The following TSNARE1 variants were observed in gnomAD, a reference collection of about 807,000 sequenced individuals.
TSNARE1 encodes t-SNARE domain-containing protein 1.
A neutral mutation model predicts 62.0 loss-of-function variants in TSNARE1; 49 were observed. The observed-to-expected ratio is 0.79, with a 90% CI of 0.63 to 1.00. TSNARE1 has a LOEUF of 1.00. Among genes scored for constraint, TSNARE1 ranks in the 50% least tolerant of loss-of-function variants. The pLI is 0.00. For missense variants in TSNARE1, 755 were observed against 700.1 expected (o/e 1.08, Z -0.88); for synonymous variants, 328 against 294.4 (o/e 1.11, Z -1.17).
chr8:142,240,192 G>A (rs1817614937), intron 12 of TSNARE1, among the ~76,000 whole-genome samples: 1 of 152,012 alleles, frequency 6.6e-6, no homozygotes, highest in African/African-American at 2.4e-5. Context: ...AAGAAAGCTG[G>A]GATAGTCCTG....
At chr8:142,239,894 T>G (rs1206978499) in intron 12 of TSNARE1, among the ~76,000 whole-genome samples, 1 of 152,346 alleles carries the variant, frequency 6.6e-6, no homozygotes. Flanking sequence ...GCGACTGTTA[T>G]GTACATTTGA....
At chr8:142,277,845 G>A in intron 11 of TSNARE1, 1 of 985,382 alleles carries the variant, frequency 1.0e-6, no homozygotes, top group Non-Finnish European at 1.2e-6. Context: ...CTCCAGGGCT[G>A]AGGACTTGCA....
chr8:142,225,648 A>T (rs1198947392), intron 13 of TSNARE1, among the ~76,000 whole-genome samples: 1 of 152,060 alleles, frequency 6.6e-6, no homozygotes, highest in Middle Eastern at 3.2e-3. Context: ...CAGGCAAACC[A>T]TGTGCTGCCT....
At chr8:142,397,775 C>A (rs866485537) in intron 1 of TSNARE1, among the ~76,000 whole-genome samples, 7 of 152,134 alleles carry the variant, frequency 4.6e-5, no homozygotes, top group Middle Eastern at 6.3e-3. Flanking sequence ...TGCCAGTCCA[C>A]TCAGCTGCGT....
At chr8:142,336,094 G>A (rs774871294) in intron 4 of TSNARE1, among the ~76,000 whole-genome samples, 1 of 152,070 alleles carries the variant, frequency 6.6e-6, no homozygotes, top group Non-Finnish European at 1.5e-5. Flanking sequence ...ATCAGCCTGG[G>A]CCACACAGTG....
intron 11 of TSNARE1, chr8:142,277,865 T>C: frequency 1.0e-6 from 1 of 985,300 alleles, no homozygotes. Flanking sequence ...AGAAAAGGAC[T>C]AAGCACCTGG....
intron 9 of TSNARE1, among the ~76,000 whole-genome samples, chr8:142,309,909 T>A (rs2131517652): frequency 6.6e-6 from 1 of 152,340 alleles, no homozygotes; most frequent in East Asian, 1.9e-4. Flanking sequence ...AAATTATGGA[T>A]TTAATTTTTT....
intron 1 of TSNARE1, among the ~76,000 whole-genome samples, chr8:142,360,305 C>A (rs988197131): frequency 9.2e-5 from 14 of 152,112 alleles, no homozygotes; most frequent in Non-Finnish European, 1.5e-5. Flanking sequence ...GACACGGAGT[C>A]CCTTGGGGGA....
At chr8:142,315,624 G>A (rs979535910) in intron 7 of TSNARE1, among the ~76,000 whole-genome samples, 1 of 151,810 alleles carries the variant, frequency 6.6e-6, no homozygotes, top group Non-Finnish European at 1.5e-5. Context: ...ACGGAGCCGG[G>A]GTGGGGCTGG....
intron 12 of TSNARE1, among the ~76,000 whole-genome samples, chr8:142,237,222 G>T (rs921828261): frequency 6.6e-6 from 1 of 152,142 alleles, no homozygotes; most frequent in Non-Finnish European, 1.5e-5. Flanking sequence ...TCCCTGCGTG[G>T]ACCACTCTCT....
intron 11 of TSNARE1, chr8:142,278,253 C>G: frequency 1.0e-6 from 1 of 985,476 alleles, no homozygotes; most frequent in Non-Finnish European, 1.2e-6. Flanking sequence ...GTCCGGCCCA[C>G]TCTGCCCATG....
chr8:142,380,640 T>C (rs1015917470), intron 1 of TSNARE1, among the ~76,000 whole-genome samples: 9 of 151,796 alleles, frequency 5.9e-5, no homozygotes, highest in African/African-American at 1.9e-4. Flanking sequence ...CAGAGGACAG[T>C]CCTGCCTCCC....
At chr8:142,293,559 G>C (rs762431316) in intron 10 of TSNARE1, among the ~76,000 whole-genome samples, 8 of 152,180 alleles carry the variant, frequency 5.3e-5, no homozygotes, top group Non-Finnish European at 8.8e-5. Flanking sequence ...CAGTGGTATG[G>C]CTGTGCCTGA....
chr8:142,350,247 C>CCGGCTT (rs1434587592), intron 2 of TSNARE1, among the ~76,000 whole-genome samples: 2 of 152,144 alleles, frequency 1.3e-5, no homozygotes, highest in African/African-American at 2.4e-5. Context: ...CCAGGGCAGG[C>CCGGCTT]CGGCTTCTGC....
intron 1 of TSNARE1, among the ~76,000 whole-genome samples, chr8:142,364,906 A>T (rs1835423170): frequency 6.6e-6 from 1 of 152,258 alleles, no homozygotes; most frequent in South Asian, 2.1e-4. Flanking sequence ...CTGTGGAAGG[A>T]ATGATGGAAC....
chr8:142,357,133 G>C (rs1462576267), intron 1 of TSNARE1, among the ~76,000 whole-genome samples: 1 of 152,222 alleles, frequency 6.6e-6, no homozygotes, highest in East Asian at 1.9e-4. Flanking sequence ...GAGAGTTCCA[G>C]AAAGAAGGAC....
intron 5 of TSNARE1, among the ~76,000 whole-genome samples, chr8:142,331,226 G>A (rs1430577511): frequency 1.3e-5 from 2 of 152,226 alleles, no homozygotes; most frequent in African/African-American, 4.8e-5. Context: ...GGGCTCTGAG[G>A]AGCTGCCTCC....
intron 12 of TSNARE1, among the ~76,000 whole-genome samples, chr8:142,266,337 A>G (rs1269039402): frequency 1.3e-5 from 2 of 152,236 alleles, no homozygotes; most frequent in South Asian, 2.1e-4. Context: ...TTCTTCTTGC[A>G]TTACACATAC....
At chr8:142,373,425 A>G (rs1836051796) in intron 1 of TSNARE1, among the ~76,000 whole-genome samples, 1 of 152,152 alleles carries the variant, frequency 6.6e-6, no homozygotes, top group Non-Finnish European at 1.5e-5. Flanking sequence ...GCGGGATGGC[A>G]GGGCCAATCC....
Sources: allele counts gnomAD v4.1 joint callset (sites outside exome capture counted in the v4.1 genomes callset), GRCh38; gene constraint gnomAD v4.1.1; transcripts MANE v1.5; gene names NCBI Gene and HGNC (gene_info 2026-07-23, HGNC 2026-07-21).